USP53: variants seen among roughly 807,000 people sequenced by gnomAD.
USP53 encodes the protein ubiquitin specific peptidase 53, also known as ubiquitin carboxyl-terminal hydrolase 53.
USP53 carries 71 observed loss-of-function variants against 94.9 expected under a neutral mutation model. The observed-to-expected ratio is 0.75, with a 90% CI of 0.62 to 0.91. The LOEUF (loss-of-function observed/expected upper bound fraction) is 0.91. Ranked by LOEUF, USP53 falls within the 40% of genes least tolerant of loss-of-function variation. USP53 has a pLI of 0.00. For missense variants in USP53, 1,173 were observed against 1,281.0 expected (o/e 0.92, Z 1.29); for synonymous variants, 375 against 422.7 (o/e 0.89, Z 1.39).
chr4:119,244,163 C>T (rs952953160), intron 5 of USP53, among the ~76,000 whole-genome samples: 4 of 152,144 alleles, frequency 2.6e-5, no homozygotes, highest in Non-Finnish European at 4.4e-5. Context: ...AATGGATTTC[C>T]GTGTATTTTT....
At chr4:119,275,489 T>C (rs1049709213) in intron 17 of USP53, among the ~76,000 whole-genome samples, 16 of 141,358 alleles carry the variant, frequency 1.1e-4, no homozygotes, top group African/African-American at 3.1e-4. Context: ...CATGCTGTTT[T>C]GGTTACTGTA....
At chr4:119,286,294 A>G (rs1754106688) in intron 17 of USP53, among the ~76,000 whole-genome samples, 1 of 151,534 alleles carries the variant, frequency 6.6e-6, no homozygotes, top group Admixed American at 6.6e-5. Context: ...GATTTCTTGA[A>G]TACTCTGCTT....
intron 4 of USP53, among the ~76,000 whole-genome samples, chr4:119,236,533 G>A (rs369482614): frequency 1.3e-5 from 2 of 152,258 alleles, no homozygotes; most frequent in African/African-American, 4.8e-5. Context: ...TTCAGAACTG[G>A]GGTGGAACCC....
Position 119,293,386 on chromosome 4 carries a change from T to C in USP53, c.*175T>C. On this transcript the variant is annotated 3_prime_UTR_variant, in exon 19 of 19. Transcript: ENST00000692078. ...CCTACTGACCAAACCTAGTGATACA[T>C]AAAATTAAAGCCTGTGGCATTTTTA... is the stretch of plus-strand genomic sequence containing the variant. 5.9e-6 allele frequency: 4 copies of C among 676,926 alleles called. No individual in the cohort carries two copies. The highest frequency in any genetic ancestry group is 4.0e-4 in the Middle Eastern group (1 of 2,480). The allele number at this position is 676,926 out of a possible 1,614,324, so 41.9% of individuals were successfully genotyped here. A position where few individuals can be genotyped will look rare whatever the true frequency, so the allele number is the denominator to read the frequency against.
At chr4:119,237,415 C>T (rs957810637) in intron 4 of USP53, among the ~76,000 whole-genome samples, 1 of 152,154 alleles carries the variant, frequency 6.6e-6, no homozygotes, top group Non-Finnish European at 1.5e-5. Flanking sequence ...AATGCATGTT[C>T]GTGGGGAACC....
intron 17 of USP53, among the ~76,000 whole-genome samples, chr4:119,288,886 C>T (rs1387720823): frequency 2.7e-5 from 4 of 147,860 alleles, no homozygotes; most frequent in South Asian, 2.1e-4. Flanking sequence ...TGCAGTGAGC[C>T]GAGATCGTGC....
Position 119,273,393 on chromosome 4 carries a change from C to G in USP53, c.2175-239C>G, listed in dbSNP as rs1366488586. 3 of 344,376 alleles carry G rather than the reference C, an allele frequency of 8.7e-6. No individual in the cohort carries two copies. The Admixed American group carries it at 1.3e-4, about 15-fold the overall frequency. The allele number at this position is 344,376 out of a possible 1,614,324, so 21.3% of individuals were successfully genotyped here. On this transcript the variant is annotated intron_variant, in intron 16 of 18. Transcript: ENST00000692078. ...GAGTAGCCTAGGGTAGTAGAAAGAT[C>G]AGGACTTTATAACCAGATAGACTTA... is the stretch of plus-strand genomic sequence containing the variant.
At chr4:119,217,180 G>C (rs1743897222) in intron 2 of USP53, among the ~76,000 whole-genome samples, 1 of 152,028 alleles carries the variant, frequency 6.6e-6, no homozygotes, top group Non-Finnish European at 1.5e-5. Context: ...AAGCCATCAG[G>C]GTATTCTTTG....
At chr4:119,259,550 C>A (rs193178365) in intron 9 of USP53, among the ~76,000 whole-genome samples, 1 of 152,276 alleles carries the variant, frequency 6.6e-6, no homozygotes, top group African/African-American at 2.4e-5. Context: ...TACCTCCAGA[C>A]AGAGCATGTT....
chr4:119,236,341 G>T (rs1042097187), intron 4 of USP53, among the ~76,000 whole-genome samples: 1 of 152,204 alleles, frequency 6.6e-6, no homozygotes, highest in East Asian at 1.9e-4. Context: ...GTGGTAGAGG[G>T]TCTCGCCTTG....
chr4:119,221,984 A>T (rs56090560), intron 3 of USP53, among the ~76,000 whole-genome samples: 52,500 of 151,960 alleles, frequency 0.35, 9,168 homozygotes, highest in African/African-American at 0.38. Flanking sequence ...GAAGAAGCAA[A>T]CACTTTCAAG....
chr4:119,271,537 C>T lies in USP53; in HGVS notation c.1677C>T (p.Asp559=). The change falls in exon 16 of 19, where the codon GAC becomes GAT. Residue 559 remains aspartate, a synonymous_variant. Coordinates refer to ENST00000692078, the MANE Select transcript of USP53 (RefSeq NM_001371395.1). ...KVKSDNGTGY[D]TDSSQDSRDR... is the part of the protein sequence containing the mutation. ...AGAGTGACAATGGCACTGGATATGA[C>T]ACAGACAGCAGCCAAGATTCTAGGG... 2 of 1,613,634 alleles carry T rather than the reference C, an allele frequency of 1.2e-6. No individual in the cohort carries two copies. The highest frequency in any genetic ancestry group is 1.7e-6 in the Non-Finnish European group (2 of 1,179,994).
intron 4 of USP53, among the ~76,000 whole-genome samples, chr4:119,236,441 C>T (rs766756258): frequency 2.0e-5 from 3 of 152,134 alleles, no homozygotes; most frequent in Non-Finnish European, 2.9e-5. Context: ...TGAAGTTTGC[C>T]ACATTGACTC....
chr4:119,229,921 C>T lies in USP53; in HGVS notation c.-664-5369C>T, dbSNP rs1246638985. On this transcript the variant is annotated intron_variant, in intron 3 of 18. Transcript: ENST00000692078. ...ATGATCTGACCCCTGGTTCTGTCTA[C>T]TTCGTACTTTATTGTGTATATTACT... Among the ~76,000 whole-genome samples, 12 of 152,262 alleles carry T rather than the reference C, an allele frequency of 7.9e-5. No homozygotes were observed. The East Asian group carries it at 2.3e-3, about 29-fold the overall frequency.
At chr4:119,291,589 A>G (rs574227981) in intron 18 of USP53, among the ~76,000 whole-genome samples, 14 of 152,292 alleles carry the variant, frequency 9.2e-5, no homozygotes, top group Non-Finnish European at 1.3e-4. Flanking sequence ...CAAATCCTCA[A>G]CTCTCTTTAA....
intron 13 of USP53, 99 bp from the exon 14 acceptor site, chr4:119,268,169 G>A (rs1240890003): frequency 1.1e-5 from 12 of 1,089,128 alleles, no homozygotes; most frequent in Middle Eastern, 3.5e-4. Context: ...GCGAGACTCC[G>A]TCTCAAAAAA....
chr4:119,279,945 C>T lies in USP53; in HGVS notation c.2251+6237C>T, dbSNP rs181350805. Among the ~76,000 whole-genome samples the T allele has an allele frequency of 4.2e-3, 635 of 152,320 alleles. 3 individuals carry two copies. The highest frequency in any genetic ancestry group is 0.015 in the African/African-American group (611 of 41,578). ...GTGCTTCCCAGGTGAGGCAATGCCT[C>T]GCCCTGCTTTGGCTCGCACACGGTG... On this transcript the variant is annotated intron_variant, in intron 17 of 18. Transcript: ENST00000692078.
At chr4:119,258,208 C>T (rs1326736655) in intron 9 of USP53, among the ~76,000 whole-genome samples, 3 of 152,094 alleles carry the variant, frequency 2.0e-5, no homozygotes, top group Non-Finnish European at 4.4e-5. Flanking sequence ...GGTCTGACTT[C>T]AAAATTTTTC....
At chr4:119,236,066 T>G (rs1165906159) in intron 4 of USP53, among the ~76,000 whole-genome samples, 2 of 152,182 alleles carry the variant, frequency 1.3e-5, no homozygotes, top group Non-Finnish European at 1.5e-5. Flanking sequence ...ATCAACGAAA[T>G]TCAGTTGATT....
Sources: gnomAD v4.1 joint callset for allele counts (sites outside exome capture counted in the v4.1 genomes callset) on GRCh38, gnomAD v4.1.1 for gene constraint, MANE v1.5 for transcripts, NCBI Gene and HGNC (gene_info 2026-07-23, HGNC 2026-07-21) for gene names.